SLC25A28: variants seen among roughly 807,000 people sequenced by gnomAD.
SLC25A28 encodes mitoferrin-2.
A neutral mutation model predicts 31.9 loss-of-function variants in SLC25A28; 10 were observed. That is an observed-to-expected ratio of 0.31 (90% CI 0.19 to 0.53). The LOEUF (loss-of-function observed/expected upper bound fraction) is 0.53. SLC25A28 is among the 20% of genes least tolerant of loss of function. SLC25A28 has a pLI of 0.95. For synonymous variants in SLC25A28, 208 were observed against 203.6 expected (o/e 1.02, Z -0.19); for missense variants, 256 against 490.3 (o/e 0.52, Z 4.51).
At chr10:99,650,699 C>T in the SLC25A28 span, among the ~76,000 whole-genome samples, 4,198 of 152,158 alleles carry the variant, frequency 0.028, 90 homozygotes, top group Middle Eastern at 0.054. Flanking sequence ...TATAGGAAAG[C>T]CTGGTTTCCC....
chr10:99,616,763 T>G (rs765761223), intron 1 of SLC25A28: 18 of 982,086 alleles, frequency 1.8e-5, no homozygotes, highest in Non-Finnish European at 2.2e-5. Context: ...TGAGTTCAAA[T>G]CATAACTGTG....
At chr10:99,620,484 CA>C (rs2034767026), upstream of SLC25A28, 1 of 1,046,606 alleles carries the variant, frequency 9.6e-7, no homozygotes, top group Admixed American at 5.5e-5. Context: ...GCCCCCCAAG[CA>C]ACCATTGGTG....
At chr10:99,643,438 C>A in the SLC25A28 span, among the ~76,000 whole-genome samples, 81 of 152,212 alleles carry the variant, frequency 5.3e-4, 1 homozygote, top group African/African-American at 1.8e-3. Context: ...TTCATCGCGT[C>A]TATTTGATTC....
the SLC25A28 span, among the ~76,000 whole-genome samples, chr10:99,637,612 C>G: frequency 6.6e-6 from 1 of 152,146 alleles, no homozygotes; most frequent in African/African-American, 2.4e-5. Context: ...TTAATGTACA[C>G]AAATCAGTAG....
chr10:99,624,668 C>T (rs1472151287), upstream of SLC25A28, among the ~76,000 whole-genome samples: 1 of 152,104 alleles, frequency 6.6e-6, no homozygotes, highest in Non-Finnish European at 1.5e-5. Flanking sequence ...AACCCTGTCT[C>T]TACTAAAAAT....
chr10:99,611,673 C>G lies in SLC25A28; in HGVS notation c.578-307G>C, dbSNP rs988236252. On this transcript the variant is annotated intron_variant, in intron 3 of 3. Coordinates refer to ENST00000370495, the MANE Select transcript of SLC25A28 (RefSeq NM_031212.4). The surrounding 1 kb of genome is among the most constrained non-coding windows in gnomAD (Gnocchi z 5.5). ...TCAGAGAGTCTTCTTGAACTAAGTACCTATCTCTGATCTTACCCTCTAACA... is the reference window on the plus strand; with the variant it reads ...TCAGAGAGTCTTCTTGAACTAAGTAGCTATCTCTGATCTTACCCTCTAACA... 6.6e-6 allele frequency among the ~76,000 whole-genome samples: 1 copy of G among 152,110 alleles called. No individual in the cohort carries two copies. Among genetic ancestry groups the G allele is most frequent in the Non-Finnish European group, 1.5e-5 (1 of 68,018 alleles).
At position 99,620,051 on chromosome 10, in the gene SLC25A28, G is replaced by A. The variant is rs2034747513; in HGVS notation, c.285C>T (p.Cys95=). The A allele has an allele frequency of 1.3e-6, 2 of 1,580,442 alleles. No individual in the cohort carries two copies. Among genetic ancestry groups the A allele is most frequent in the African/African-American group, 1.4e-5 (1 of 72,824 alleles). ...AGCCGGGTGCAGGTCTCACCTTGAC[G>A]CAGTCGATGGGGTACATCACGCAGT... The part of the protein sequence containing the change: ...LEHCVMYPID[C]VKTRMQSLQP... The change falls in exon 1 of 4, where the codon TGC becomes TGT. Residue 95 remains cysteine (C), a synonymous_variant. Coordinates refer to ENST00000370495, the MANE Select transcript of SLC25A28 (RefSeq NM_031212.4).
chr10:99,648,689 T>TG, the SLC25A28 span, among the ~76,000 whole-genome samples: 5 of 150,596 alleles, frequency 3.3e-5, no homozygotes, highest in African/African-American at 1.2e-4. Flanking sequence ...TTCCTAGGTT[T>TG]TTTTTTTTTT....
the SLC25A28 span, among the ~76,000 whole-genome samples, chr10:99,657,945 G>T: frequency 6.6e-6 from 1 of 152,062 alleles, no homozygotes; most frequent in Non-Finnish European, 1.5e-5. Context: ...CAGCACTTTG[G>T]GAGGCTGAGA....
At chr10:99,659,099 T>C in the SLC25A28 span, among the ~76,000 whole-genome samples, 1 of 152,318 alleles carries the variant, frequency 6.6e-6, no homozygotes, top group African/African-American at 2.4e-5. The surrounding 1 kb of genome is among the most constrained non-coding windows in gnomAD (Gnocchi z 4.1). Flanking sequence ...CAATAGGTTA[T>C]GGGCAAGGGA....
At chr10:99,645,451 A>G in the SLC25A28 span, among the ~76,000 whole-genome samples, 6 of 152,112 alleles carry the variant, frequency 3.9e-5, no homozygotes, top group African/African-American at 1.4e-4. Context: ...TTAGCCATTC[A>G]TCTAATCTTT....
intron 1 of SLC25A28, chr10:99,618,345 C>T (rs2034705129): frequency 1.0e-6 from 1 of 985,096 alleles, no homozygotes; most frequent in Non-Finnish European, 1.2e-6. Context: ...TTTTTCAAGC[C>T]ATTACATAAT....
the SLC25A28 span, among the ~76,000 whole-genome samples, chr10:99,627,618 T>C: frequency 6.6e-6 from 1 of 152,036 alleles, no homozygotes; most frequent in Non-Finnish European, 1.5e-5. Flanking sequence ...TTTTTTTGAA[T>C]TTTAGTAGAG....
the SLC25A28 span, among the ~76,000 whole-genome samples, chr10:99,649,014 G>C: frequency 6.6e-6 from 1 of 152,164 alleles, no homozygotes; most frequent in African/African-American, 2.4e-5. Context: ...AGTACTGAAA[G>C]TGGGCATCCT....
chr10:99,646,934 CTGAGT>C, the SLC25A28 span, among the ~76,000 whole-genome samples: 1 of 152,162 alleles, frequency 6.6e-6, no homozygotes, highest in Non-Finnish European at 1.5e-5. Flanking sequence ...ATTTGACTTT[CTGAGT>C]TATTTCACTT....
At chr10:99,644,399 T>C in the SLC25A28 span, among the ~76,000 whole-genome samples, 2 of 152,228 alleles carry the variant, frequency 1.3e-5, no homozygotes, top group Admixed American at 1.3e-4. Flanking sequence ...CCCTGCTTTT[T>C]TTCGTTTTCC....
At chr10:99,627,100 G>A in the SLC25A28 span, among the ~76,000 whole-genome samples, 1 of 152,064 alleles carries the variant, frequency 6.6e-6, no homozygotes, top group African/African-American at 2.4e-5. Context: ...AATTAGCCGG[G>A]CATGGTGGTG....
chr10:99,611,257 G>A lies in SLC25A28; in HGVS notation c.687C>T (p.Thr229=). 6.2e-7 allele frequency: 1 copy of A among 1,614,142 alleles called. No homozygotes were observed. Among genetic ancestry groups the A allele is most frequent in the Non-Finnish European group, 8.5e-7 (1 of 1,180,042 alleles). ...AAGGAACGTTCATGGTCAGCTGGGT[G>A]GTGTAGCTGCGGTAAAAGGCCCCGG... is the stretch of plus-strand genomic sequence containing the variant. ...EGAGAFYRSY[T]TQLTMNVPFQ... is the part of the protein sequence containing the mutation. The change falls in exon 4 of 4, where the codon ACC becomes ACT. Residue 229 remains threonine, a synonymous_variant. Transcript: ENST00000370495. The surrounding 1 kb of genome is among the most constrained non-coding windows in gnomAD (Gnocchi z 5.5).
chr10:99,641,980 T>C, the SLC25A28 span, among the ~76,000 whole-genome samples: 2 of 152,146 alleles, frequency 1.3e-5, no homozygotes, highest in African/African-American at 4.8e-5. Flanking sequence ...CCTTGTAGTA[T>C]AGTTTGAAGT....
Sources: allele counts gnomAD v4.1 joint callset (sites outside exome capture counted in the v4.1 genomes callset), GRCh38; gene constraint gnomAD v4.1.1; non-coding constraint Gnocchi (gnomAD v3.1); transcripts MANE v1.5; gene names NCBI Gene and HGNC (gene_info 2026-07-23, HGNC 2026-07-21).